Variants in CLMP observed in about 807,000 individuals in gnomAD.
CLMP encodes the protein CXADR like cell adhesion molecule, also known as CXADR-like membrane protein.
CLMP carries 27 observed loss-of-function variants against 45.2 expected under a neutral mutation model. The ratio of observed to expected loss-of-function variants is 0.60; its 90% CI spans 0.44 to 0.82. The LOEUF is 0.82. Ranked by LOEUF, CLMP falls within the 40% of genes least tolerant of loss-of-function variation. The pLI is 0.00. For missense variants in CLMP, 403 were observed against 448.4 expected, an observed-to-expected ratio of 0.90 and a Z score of 0.91; for synonymous variants, 167 against 171.4, an observed-to-expected ratio of 0.97 and a Z score of 0.20.
At chr11:123,178,010 G>A (rs1360112105) in intron 1 of CLMP, among the ~76,000 whole-genome samples, 5 of 152,084 alleles carry the variant, frequency 3.3e-5, no homozygotes, top group African/African-American at 4.8e-5. Flanking sequence ...TTACAGGCAC[G>A]TGCCACTATG....
At chr11:123,121,184 A>G (rs1052458050) in intron 1 of CLMP, among the ~76,000 whole-genome samples, 38 of 151,634 alleles carry the variant, frequency 2.5e-4, no homozygotes, top group African/African-American at 9.0e-4. Flanking sequence ...GGACTTGTAC[A>G]GTGGGCTTCT....
intron 1 of CLMP, among the ~76,000 whole-genome samples, chr11:123,151,295 G>C (rs1861334612): frequency 6.6e-6 from 1 of 152,192 alleles, no homozygotes; most frequent in Non-Finnish European, 1.5e-5. Context: ...TCCACATATG[G>C]AAATGGCTGT....
intron 1 of CLMP, among the ~76,000 whole-genome samples, chr11:123,191,169 A>G (rs1861902074): frequency 6.6e-6 from 1 of 152,168 alleles, no homozygotes; most frequent in Admixed American, 6.5e-5. Context: ...ATTGATTTAA[A>G]CAGTCTCTTA....
At chr11:123,104,628 C>T (rs1255014442) in intron 1 of CLMP, among the ~76,000 whole-genome samples, 1 of 150,694 alleles carries the variant, frequency 6.6e-6, no homozygotes, top group East Asian at 2.0e-4. Flanking sequence ...CCTTATGATC[C>T]ACCCGCCTCA....
intron 1 of CLMP, among the ~76,000 whole-genome samples, chr11:123,148,923 C>T (rs571940188): frequency 3.3e-5 from 5 of 152,282 alleles, no homozygotes; most frequent in African/African-American, 7.2e-5. Context: ...TTTAGAAGAG[C>T]ACATCAAATG....
chr11:123,129,130 GGCCAACATGGTGAAACCCCATCTC>G, intron 1 of CLMP, among the ~76,000 whole-genome samples: 2 of 152,034 alleles, frequency 1.3e-5, no homozygotes, highest in East Asian at 3.9e-4. Context: ...AGACCACGCT[GGCCAACATGGTGAAACCCCATCTC>G]TAGCAAAGAC....
intron 2 of CLMP, among the ~76,000 whole-genome samples, chr11:123,095,356 G>A (rs1383301995): frequency 6.6e-6 from 1 of 151,618 alleles, no homozygotes; most frequent in African/African-American, 2.4e-5. Context: ...GCAATGGCTC[G>A]ATCTCAGCTC....
At chr11:123,118,286 T>A (rs1178950910) in intron 1 of CLMP, among the ~76,000 whole-genome samples, 1 of 152,120 alleles carries the variant, frequency 6.6e-6, no homozygotes, top group Non-Finnish European at 1.5e-5. Flanking sequence ...TGCACCACCA[T>A]GCCTGGCTAA....
intron 1 of CLMP, among the ~76,000 whole-genome samples, chr11:123,154,969 T>A (rs968687683): frequency 1.3e-5 from 2 of 152,086 alleles, no homozygotes; most frequent in African/African-American, 4.8e-5. Context: ...GTTAGTTAGG[T>A]GGTTAGAATA....
intron 2 of CLMP, among the ~76,000 whole-genome samples, chr11:123,086,143 C>T (rs1865863871): frequency 6.6e-6 from 1 of 151,970 alleles, no homozygotes; most frequent in South Asian, 2.1e-4. Context: ...AAGTCCTGAC[C>T]TCAGGTGATC....
Position 123,084,723 on chromosome 11 carries a change from A to G in CLMP, c.187-10T>C. ...TGGAGTAAGTGATCACCTGTGGGAT[A>G]GACCGAGGCAGAGTCAAGCAGCGTA... On this transcript the variant is annotated splice_polypyrimidine_tract_variant and intron_variant, in intron 2 of 6. Transcript: ENST00000448775. The G allele has an allele frequency of 6.2e-7, 1 of 1,612,394 alleles. No individual in the cohort carries two copies. Among genetic ancestry groups the G allele is most frequent in the Non-Finnish European group, 8.5e-7 (1 of 1,178,568 alleles).
intron 1 of CLMP, among the ~76,000 whole-genome samples, chr11:123,134,173 T>C (rs182749086): frequency 2.9e-4 from 44 of 150,982 alleles, no homozygotes; most frequent in African/African-American, 1.0e-3. Context: ...GGCATGAGAA[T>C]CACTGGAACC....
intron 1 of CLMP, among the ~76,000 whole-genome samples, chr11:123,110,054 A>G (rs1033941809): frequency 7.9e-5 from 12 of 152,198 alleles, no homozygotes; most frequent in African/African-American, 2.9e-4. Flanking sequence ...CAAAACAAGT[A>G]ATAGGTTTAC....
chr11:123,193,048 T>C (rs1001883489), intron 1 of CLMP: 3 of 152,162 alleles, frequency 2.0e-5, no homozygotes, highest in African/African-American at 7.2e-5. Context: ...TTACATTCCA[T>C]GAAGAGGATG....
At chr11:123,168,238 C>T (rs1359202790) in intron 1 of CLMP, among the ~76,000 whole-genome samples, 1 of 149,810 alleles carries the variant, frequency 6.7e-6, no homozygotes, top group South Asian at 2.1e-4. Context: ...ACAAAGCAGG[C>T]TGCAGAGGGA....
chr11:123,111,375 C>CCCA (rs1321501348), intron 1 of CLMP, among the ~76,000 whole-genome samples: 3 of 152,048 alleles, frequency 2.0e-5, no homozygotes, highest in Admixed American at 6.6e-5. Flanking sequence ...AGGTGATCGG[C>CCCA]CCACCGCAGC....
At chr11:123,146,910 A>G (rs954465434) in intron 1 of CLMP, among the ~76,000 whole-genome samples, 2 of 152,038 alleles carry the variant, frequency 1.3e-5, no homozygotes. Context: ...GCTACTCCCT[A>G]CTTACCAAGA....
intron 5 of CLMP, among the ~76,000 whole-genome samples, chr11:123,078,429 A>T (rs1490435115): frequency 6.6e-6 from 1 of 152,124 alleles, no homozygotes; most frequent in Non-Finnish European, 1.5e-5. Flanking sequence ...TGGATTATGG[A>T]GAGGTAGCAG....
chr11:123,157,287 G>C (rs2135530581), intron 1 of CLMP, among the ~76,000 whole-genome samples: 1 of 152,280 alleles, frequency 6.6e-6, no homozygotes, highest in Admixed American at 6.5e-5. Flanking sequence ...TGGCGTGGTG[G>C]CTTATGCCTG....
Sources: allele counts gnomAD v4.1 joint callset (sites outside exome capture counted in the v4.1 genomes callset), GRCh38; gene constraint gnomAD v4.1.1; transcripts MANE v1.5; gene names NCBI Gene and HGNC (gene_info 2026-07-23, HGNC 2026-07-21).